MRO: variants seen among roughly 807,000 people sequenced by gnomAD.
MRO encodes maestro.
MRO carries 28 observed loss-of-function variants against 31.0 expected under a neutral mutation model. The observed-to-expected ratio is 0.90, with a 90% CI of 0.67 to 1.24. The LOEUF (loss-of-function observed/expected upper bound fraction) is 1.24, where lower values mean the gene tolerates loss of function less well. MRO is among the 50% of genes most tolerant of loss of function. MRO has a pLI of 0.00. For missense variants in MRO, 332 were observed against 289.2 expected (o/e 1.15, Z -1.07); for synonymous variants, 108 against 108.4 (o/e 1.00, Z 0.02).
chr18:50,817,268 GC>G (rs1333185871), intron 2 of MRO, among the ~76,000 whole-genome samples: 1 of 152,134 alleles, frequency 6.6e-6, no homozygotes, highest in East Asian at 1.9e-4. Context: ...AATCTTGGGT[GC>G]AGGAAAAGTA....
intron 2 of MRO, chr18:50,815,633 C>T (rs2144662354): frequency 6.0e-6 from 2 of 335,302 alleles, no homozygotes; most frequent in East Asian, 1.6e-4. Flanking sequence ...ATTATGAATG[C>T]ATGAAAGGGG....
intron 5 of MRO, among the ~76,000 whole-genome samples, chr18:50,803,276 G>A (rs553712518): frequency 7.9e-5 from 12 of 152,044 alleles, no homozygotes; most frequent in Non-Finnish European, 1.2e-4. Context: ...TTGGGAGGCC[G>A]AGACAGGAGA....
At chr18:50,802,854 C>T (rs1048422280) in intron 5 of MRO, among the ~76,000 whole-genome samples, 2 of 151,674 alleles carry the variant, frequency 1.3e-5, no homozygotes, top group Non-Finnish European at 2.9e-5. Flanking sequence ...ACCACCATGC[C>T]TGGCTTAGGG....
rs1412566060 is a variant in MRO at position 50,799,152 on chromosome 18, TTACTTTAGATAAAATCA to T, written c.*168_*184del. 5 of 570,340 alleles carry T rather than the reference TTACTTTAGATAAAATCA, an allele frequency of 8.8e-6. No individual in the cohort carries two copies. Among genetic ancestry groups the T allele is most frequent in the Non-Finnish European group, 1.6e-5 (5 of 317,302 alleles). The allele number at this position is 570,340 out of a possible 1,614,324, so 35.3% of individuals were successfully genotyped here. On this transcript the variant is annotated 3_prime_UTR_variant, in exon 8 of 8. Coordinates refer to ENST00000398439, the MANE Select transcript of MRO (RefSeq NM_031939.6). ...AAATAAGTGAAAGCAGTCTAGAATT[TTACTTTAGATAAAATCA>T]TACAATTCCATGTATTATTTTTGCC...
chr18:50,822,501 C>A (rs1915342032), upstream of MRO, among the ~76,000 whole-genome samples: 1 of 152,170 alleles, frequency 6.6e-6, no homozygotes, highest in South Asian at 2.1e-4. Context: ...CCACACCCGG[C>A]TAATTTTTGT....
At chr18:50,802,396 TC>T (rs1288233840) in intron 5 of MRO, among the ~76,000 whole-genome samples, 2 of 152,214 alleles carry the variant, frequency 1.3e-5, no homozygotes, top group East Asian at 3.9e-4. Context: ...GTATTACATT[TC>T]CAGGTGAGGA....
chr18:50,801,651 G>T (rs1913340092), intron 5 of MRO, 147 bp from the exon 6 acceptor site: 2 of 780,276 alleles, frequency 2.6e-6, no homozygotes, highest in South Asian at 5.0e-5. Flanking sequence ...GTACATTACA[G>T]GGTGGGTGGT....
At chr18:50,812,448 C>T (rs1018995477) in intron 2 of MRO, among the ~76,000 whole-genome samples, 2 of 152,010 alleles carry the variant, frequency 1.3e-5, no homozygotes, top group Admixed American at 1.3e-4. Context: ...ATATTTTCTC[C>T]CATTCTGTGG....
intron 4 of MRO, 144 bp downstream of exon 4, chr18:50,806,560 T>C: frequency 3.1e-6 from 3 of 981,192 alleles, no homozygotes; most frequent in South Asian, 1.6e-5. Context: ...CACGTGTTGC[T>C]GTAAGCTGCT....
intron 4 of MRO, among the ~76,000 whole-genome samples, chr18:50,806,007 C>T (rs897935474): frequency 2.0e-5 from 3 of 151,170 alleles, no homozygotes; most frequent in African/African-American, 7.3e-5. Flanking sequence ...GTCGCTCAGG[C>T]TGGAGTGCCT....
intron 7 of MRO, 150 bp from the exon 8 acceptor site, chr18:50,799,540 A>C (rs1599002160): frequency 1.8e-5 from 13 of 705,488 alleles, no homozygotes; most frequent in Non-Finnish European, 2.5e-6. Context: ...CTGAATTGGA[A>C]CTGCCGATAT....
chr18:50,806,037 C>T (rs969756842), intron 4 of MRO, among the ~76,000 whole-genome samples: 2 of 151,910 alleles, frequency 1.3e-5, no homozygotes, highest in Non-Finnish European at 1.5e-5. Flanking sequence ...TCTGCTCAAG[C>T]CTCAGCCTCC....
intron 5 of MRO, among the ~76,000 whole-genome samples, chr18:50,802,796 A>G (rs2849258): frequency 0.82 from 124,418 of 151,960 alleles, 51,220 homozygotes; most frequent in South Asian, 0.91. Context: ...CTGTGCTCAA[A>G]TGACCCTCAT....
intron 4 of MRO, among the ~76,000 whole-genome samples, chr18:50,805,888 T>A (rs1913868852): frequency 6.6e-6 from 1 of 151,690 alleles, no homozygotes; most frequent in Non-Finnish European, 1.5e-5. Context: ...ATGAGTCTCC[T>A]CCCCTTGAGT....
At position 50,811,850 on chromosome 18, in the gene MRO, T is replaced by A. The variant is rs557013596; in HGVS notation, c.-4-2446A>T. 2.0e-5 allele frequency among the ~76,000 whole-genome samples: 3 copies of A among 150,298 alleles called. No homozygotes were observed. In the East Asian group the frequency reaches 6.0e-4, roughly 30 times the overall value. Reference sequence around the variant, plus strand: ...TTCTGACCCTGGGTTCAAGGGATTCTCTTGCCTCAGCCTCCTGAGTTGCTG... The same window carrying A: ...TTCTGACCCTGGGTTCAAGGGATTCACTTGCCTCAGCCTCCTGAGTTGCTG... On this transcript the variant is annotated intron_variant, in intron 2 of 7. Coordinates refer to ENST00000398439, the MANE Select transcript of MRO (RefSeq NM_031939.6).
chr18:50,801,648 A>C, intron 5 of MRO, 144 bp from the exon 6 acceptor site: 4 of 744,290 alleles, frequency 5.4e-6, no homozygotes, highest in East Asian at 2.7e-5. Flanking sequence ...ACTGTACATT[A>C]CAGGGTGGGT....
Position 50,805,217 on chromosome 18 carries a change from C to T in MRO, c.366G>A (p.Gln122=), listed in dbSNP as rs931200966. Residue 122 remains glutamine, a synonymous_variant, in exon 5 of 8, where the codon CAG becomes CAA. Coordinates refer to ENST00000398439, the MANE Select transcript of MRO (RefSeq NM_031939.6). The stretch of plus-strand genomic sequence containing the variant: ...TGAAGAAGGAACCCAAACCTTTCCC[C>T]TGGATCTTGCCCAGAACGACGGTCA... ...KTLTVVLGKI[Q]GKGLGSFFID... 4 of 1,614,090 alleles carry T rather than the reference C, an allele frequency of 2.5e-6. No homozygotes were observed. Among genetic ancestry groups the T allele is most frequent in the Admixed American group, 1.7e-5 (1 of 60,018 alleles).
chr18:50,809,157 A>C (rs1314217461), intron 3 of MRO, 145 bp downstream of exon 3: 75 of 167,764 alleles, frequency 4.5e-4, no homozygotes, highest in African/African-American at 1.9e-3. Context: ...AAAAAAAAAA[A>C]AAAAAAAAAA....
At position 50,806,705 on chromosome 18, in the gene MRO, T is replaced by C; in HGVS notation, c.245A>G (p.Lys82Arg). 5 of 1,614,112 alleles carry C rather than the reference T, an allele frequency of 3.1e-6. No individual in the cohort carries two copies. Among genetic ancestry groups the C allele is most frequent in the Non-Finnish European group, 4.2e-6 (5 of 1,180,024 alleles). The change falls in exon 4 of 8, where the codon AAG (lysine) becomes AGG (arginine). Residue 82 changes from lysine to arginine, a missense_variant and splice_region_variant. Coordinates refer to ENST00000398439, the MANE Select transcript of MRO (RefSeq NM_031939.6). ...CTGAGCCCCACTCTCCTTCCCTACC[T>C]TGTCAGGGGCTTCATAGGCCATGGT... ...LGTMAYEAPD[K>R]VRKYKKIVLD...
Sources: allele counts gnomAD v4.1 joint callset (sites outside exome capture counted in the v4.1 genomes callset), GRCh38; gene constraint gnomAD v4.1.1; transcripts MANE v1.5; gene names NCBI Gene and HGNC (gene_info 2026-07-23, HGNC 2026-07-21).